The following ZFYVE1 variants were observed in gnomAD, a reference collection of about 807,000 sequenced individuals.
The protein encoded by ZFYVE1 is zinc finger FYVE-type containing 1.
Under a neutral mutation model 74.4 loss-of-function variants are expected in ZFYVE1, and 30 were observed. The ratio of observed to expected loss-of-function variants is 0.40; its 90% CI spans 0.30 to 0.55. ZFYVE1 has a LOEUF of 0.55. ZFYVE1 is among the 20% of genes least tolerant of loss of function. ZFYVE1 has a pLI of 0.42. For synonymous variants in ZFYVE1, 335 were observed against 385.1 expected, an observed-to-expected ratio of 0.87 and a Z score of 1.52; for missense variants, 703 against 1,011.6, an observed-to-expected ratio of 0.69 and a Z score of 4.14.
intron 1 of ZFYVE1, among the ~76,000 whole-genome samples, chr14:73,026,315 C>CA (rs756151679): frequency 1.3e-5 from 2 of 152,146 alleles, no homozygotes; most frequent in Non-Finnish European, 2.9e-5. Flanking sequence ...GTCACTTTGA[C>CA]AATTATATTC....
Position 72,992,623 on chromosome 14 carries a change from C to CCT in ZFYVE1, c.1203+519_1203+520insAG. Among the ~76,000 whole-genome samples, 2 of 116,802 alleles carry CCT rather than the reference C, an allele frequency of 1.7e-5. 1 individual carries two copies. Among genetic ancestry groups the CCT allele is most frequent in the African/African-American group, 7.3e-5 (2 of 27,214 alleles). 76.6% of individuals were successfully genotyped at this position (116,802 alleles called of 152,430 possible). On this transcript the variant is annotated intron_variant, in intron 4 of 11. Transcript: ENST00000556143. ...GGAGGTCCCATTCAGGTGCCCCCCC[C>CCT]GCCCCTTGCAAGAGAGAGAGAGCTG...
At chr14:72,973,574 T>C (rs1893090717) in intron 11 of ZFYVE1, among the ~76,000 whole-genome samples, 1 of 152,140 alleles carries the variant, frequency 6.6e-6, no homozygotes, top group Non-Finnish European at 1.5e-5. Flanking sequence ...CCTGGAACCC[T>C]GACATCATTT....
chr14:73,017,448 C>G (rs1209683051), intron 2 of ZFYVE1, among the ~76,000 whole-genome samples: 1 of 152,208 alleles, frequency 6.6e-6, no homozygotes, highest in Non-Finnish European at 1.5e-5. Context: ...CAAAATCGCT[C>G]CTGATTGACA....
chr14:72,984,897 C>T (rs1893436739), intron 4 of ZFYVE1, among the ~76,000 whole-genome samples: 2 of 152,234 alleles, frequency 1.3e-5, no homozygotes. Flanking sequence ...TTTGCATCCT[C>T]CTCCAAATCC....
intron 3 of ZFYVE1, among the ~76,000 whole-genome samples, chr14:72,994,554 T>C (rs1019373545): frequency 3.9e-5 from 6 of 152,100 alleles, no homozygotes; most frequent in Non-Finnish European, 8.8e-5. Context: ...TGATACGCAC[T>C]GTTCTGTATG....
At position 72,998,284 on chromosome 14, in the gene ZFYVE1, A is replaced by C. The variant is rs1488625162; in HGVS notation, c.515T>G (p.Leu172Trp). 6.5e-7 allele frequency: 1 copy of C among 1,531,032 alleles called. No homozygotes were observed. The highest frequency in any genetic ancestry group is 8.8e-7 in the Non-Finnish European group (1 of 1,137,394). 94.8% of individuals were successfully genotyped at this position (1,531,032 alleles called of 1,614,324 possible). A position where few individuals can be genotyped will look rare whatever the true frequency, so the allele number is the denominator to read the frequency against. ...CAGATGCTGATCAGGTTTGCAGTCC[A>C]ATTTTCTAATAAAGTCTTCTTCATT... The part of the protein sequence containing the change: ...VTNEEDFIRK[L>W]DCKPDQHLKV... The change falls in exon 3 of 12, where the codon TTG (leucine) becomes TGG (tryptophan). Residue 172 changes from leucine (L) to tryptophan (W), a missense_variant. By Grantham distance (61) the Leu-to-Trp change is moderately conservative. This residue lies in a region of ZFYVE1 where 211 missense variants were observed against 221.7 expected (regional missense o/e 0.95). Transcript: ENST00000556143.
At chr14:73,011,760 G>A (rs1894095851) in intron 2 of ZFYVE1, among the ~76,000 whole-genome samples, 1 of 150,212 alleles carries the variant, frequency 6.7e-6, no homozygotes, top group Non-Finnish European at 1.5e-5. Context: ...AACTTCAGGT[G>A]ATCCACCTGC....
Position 72,971,007 on chromosome 14 carries a change from A to C in ZFYVE1, c.2209T>G (p.Cys737Gly). The C allele has an allele frequency of 6.2e-7, 1 of 1,614,194 alleles. No individual in the cohort carries two copies. The highest frequency in any genetic ancestry group is 8.5e-7 in the Non-Finnish European group (1 of 1,180,046). Residue 737 changes from cysteine to glycine, a missense_variant, in exon 12 of 12, where the codon TGC becomes GGC. Around this residue, in one of 2 missense-constraint regions of ZFYVE1, gnomAD observed 492 missense variants for 790.0 expected, o/e 0.62. Transcript: ENST00000556143. ...CAGAAGCCCTGTCCGCAGGCCCGGCAGTGGTGCTTGGAGAGCTTGATGCTG... is the reference window on the plus strand; with the variant it reads ...CAGAAGCCCTGTCCGCAGGCCCGGCCGTGGTGCTTGGAGAGCTTGATGCTG... ...EFSIKLSKHHCRACGQGFCDE... is the reference protein window; with the variant it reads ...EFSIKLSKHHGRACGQGFCDE...
At chr14:73,018,267 C>A (rs909053831) in intron 2 of ZFYVE1, among the ~76,000 whole-genome samples, 1 of 151,872 alleles carries the variant, frequency 6.6e-6, no homozygotes, top group African/African-American at 2.4e-5. Flanking sequence ...CCCATCTCTA[C>A]TAAAAATACA....
chr14:73,022,991 C>A (rs1473931668), intron 2 of ZFYVE1, among the ~76,000 whole-genome samples: 5 of 151,432 alleles, frequency 3.3e-5, no homozygotes. Context: ...GGTGAACCCC[C>A]GTCTCTACTA....
chr14:73,000,008 G>A (rs748060358), intron 2 of ZFYVE1, among the ~76,000 whole-genome samples: 9 of 152,138 alleles, frequency 5.9e-5, no homozygotes, highest in Non-Finnish European at 7.4e-5. Context: ...GCAGTGAGCC[G>A]AGATTGTGCC....
chr14:72,970,699 C>A lies in ZFYVE1; in HGVS notation c.*183G>T. 1.5e-6 allele frequency: 1 copy of A among 648,628 alleles called. No homozygotes were observed. 40.2% of individuals were successfully genotyped at this position (648,628 alleles called of 1,614,324 possible). A position where few individuals can be genotyped will look rare whatever the true frequency, so the allele number is the denominator to read the frequency against. ...GCGATAAGTTGCAAGGTCCCCTGCC[C>A]TGAGGGGTCCACACCTTCGGGCCTG... is the stretch of plus-strand genomic sequence containing the variant. On this transcript the variant is annotated 3_prime_UTR_variant, in exon 12 of 12. Transcript: ENST00000556143.
intron 2 of ZFYVE1, among the ~76,000 whole-genome samples, chr14:73,001,020 T>C (rs1174676882): frequency 6.6e-6 from 1 of 152,226 alleles, no homozygotes; most frequent in African/African-American, 2.4e-5. Flanking sequence ...CTTGATTGTT[T>C]TCTGTCATGA....
rs754400773 is a variant in ZFYVE1, at chr14:72,969,805, A to AGTTT, written c.*1076_*1077insAAAC. 47 of 684,352 alleles carry AGTTT rather than the reference A, an allele frequency of 6.9e-5. No homozygotes were observed. The Middle Eastern group carries it at 1.2e-3, about 17-fold the overall frequency. The allele number at this position is 684,352 out of a possible 1,614,324, so 42.4% of individuals were successfully genotyped here. Reference sequence around the variant, plus strand: ...CTTTGACTTCTCTTGCAAGGACCAAAGAGATAAATTTTTTCTTTACGATCT... The same window carrying AGTTT: ...CTTTGACTTCTCTTGCAAGGACCAAAGTTTGAGATAAATTTTTTCTTTACGATCT... On this transcript the variant is annotated 3_prime_UTR_variant, in exon 12 of 12. Coordinates refer to ENST00000556143, the MANE Select transcript of ZFYVE1 (RefSeq NM_021260.4).
At chr14:73,026,685 A>G (rs1594873791) in intron 1 of ZFYVE1, among the ~76,000 whole-genome samples, 1 of 151,484 alleles carries the variant, frequency 6.6e-6, no homozygotes, top group Non-Finnish European at 1.5e-5. Context: ...CCACCCGGAC[A>G]CCACCGCCAC....
chr14:72,990,400 C>CT lies in ZFYVE1; in HGVS notation c.1203+2742dup, dbSNP rs11298113. On this transcript the variant is annotated intron_variant, in intron 4 of 11. Coordinates refer to ENST00000556143, the MANE Select transcript of ZFYVE1 (RefSeq NM_021260.4). ...CATCAGAATTCCAGCTGAACAGGTT[C>CT]TTTTTTTTTTTTTGAGATGGAGTTT... 3.1e-3 allele frequency among the ~76,000 whole-genome samples: 456 copies of CT among 145,386 alleles called. 2 individuals are homozygous for CT. The highest frequency in any genetic ancestry group is 8.4e-3 in the African/African-American group (334 of 39,690).
chr14:72,997,821 T>G lies in ZFYVE1; in HGVS notation c.978A>C (p.Leu326=). ...TACCCCATCTCTCACCAGAGCCCAG[T>G]AGCTGGGTGTGCACGGTCTCATGGA... ...IIFHETVHTQ[L]LGSDHPSEVP... The change falls in exon 3 of 12, where the codon CTA becomes CTC. Residue 326 remains leucine (L), a synonymous_variant. Coordinates refer to ENST00000556143, the MANE Select transcript of ZFYVE1 (RefSeq NM_021260.4). 6.3e-7 allele frequency: 1 copy of G among 1,589,556 alleles called. No homozygotes were observed. Among genetic ancestry groups the G allele is most frequent in the Non-Finnish European group, 8.6e-7 (1 of 1,161,836 alleles).
At chr14:73,014,098 A>T (rs1358950866) in intron 2 of ZFYVE1, among the ~76,000 whole-genome samples, 4 of 152,222 alleles carry the variant, frequency 2.6e-5, no homozygotes. Context: ...TTGACAGGCC[A>T]GAAGAAAAAA....
intron 2 of ZFYVE1, among the ~76,000 whole-genome samples, chr14:73,006,566 C>T (rs1288869639): frequency 6.6e-6 from 1 of 151,730 alleles, no homozygotes; most frequent in African/African-American, 2.4e-5. Context: ...CAGAGTAAGA[C>T]TCTGTCTAAA....
Sources: gnomAD v4.1 joint callset for allele counts (sites outside exome capture counted in the v4.1 genomes callset) on GRCh38, gnomAD v4.1.1 for gene constraint, gnomAD v4.1.1 regional missense constraint, MANE v1.5 for transcripts, NCBI Gene and HGNC (gene_info 2026-07-23, HGNC 2026-07-21) for gene names.